The following CCNO variants were observed in gnomAD, a reference collection of about 807,000 sequenced individuals.
The protein encoded by CCNO is cyclin-O.
A neutral mutation model predicts 23.9 loss-of-function variants in CCNO; 24 were observed. That is an observed-to-expected ratio of 1.00 (90% CI 0.73 to 1.41). The LOEUF is 1.41. CCNO is among the 40% of genes most tolerant of loss of function. CCNO has a pLI of 0.00. For missense variants in CCNO, 542 were observed against 476.2 expected, an observed-to-expected ratio of 1.14 and a Z score of -1.29; for synonymous variants, 241 against 225.7, an observed-to-expected ratio of 1.07 and a Z score of -0.61.
rs769473556 is a variant in CCNO, at chr5:55,231,423, C to T, written c.1005G>A (p.Leu335=). ...AINSTSLTHM[L]PVQICEKCSL... is the part of the protein sequence containing the mutation. Reference sequence around the variant, plus strand: ...TGCACTTCTCGCAGATCTGAACGGGCAGCATGTGAGTCAAGGAAGTACTGT... The same window carrying T: ...TGCACTTCTCGCAGATCTGAACGGGTAGCATGTGAGTCAAGGAAGTACTGT... The change falls in exon 3 of 3, where the codon CTG becomes CTA. Residue 335 remains leucine (L), a synonymous_variant. Coordinates refer to ENST00000282572, the MANE Select transcript of CCNO (RefSeq NM_021147.5). The T allele has an allele frequency of 3.7e-6, 6 of 1,614,208 alleles. No homozygotes were observed. Among genetic ancestry groups the T allele is most frequent in the Non-Finnish European group, 5.1e-6 (6 of 1,180,036 alleles).
intron 2 of CCNO, among the ~76,000 whole-genome samples, 185 bp from the exon 3 acceptor site, chr5:55,232,045 A>C (rs1266866663): frequency 2.0e-5 from 3 of 149,434 alleles, no homozygotes; most frequent in Non-Finnish European, 4.5e-5. Context: ...TGTCCAACTA[A>C]AAAAAAAAAG....
Position 55,231,471 on chromosome 5 carries a change from C to G in CCNO, c.957G>C (p.Lys319Asn). The change falls in exon 3 of 3, where the codon AAG becomes AAC. Residue 319 changes from lysine to asparagine, a missense_variant. Coordinates refer to ENST00000282572, the MANE Select transcript of CCNO (RefSeq NM_021147.5). ...TGTTTATGGCCACCAGCAGCTGCAA[C>G]TTGCCCATACAGTCCTCCAGCGCCG... ...PEAALEDCMG[K>N]LQLLVAINST... is the part of the protein sequence containing the mutation. 6.2e-7 allele frequency: 1 copy of G among 1,614,148 alleles called. No homozygotes were observed. Among genetic ancestry groups the G allele is most frequent in the Non-Finnish European group, 8.5e-7 (1 of 1,180,046 alleles).
intron 1 of CCNO, 40 bp downstream of exon 1, chr5:55,233,103 G>C: frequency 6.6e-7 from 1 of 1,524,700 alleles, no homozygotes; most frequent in Non-Finnish European, 8.8e-7. Flanking sequence ...GGGAGGAGAG[G>C]AAGAGCGGCG....
rs1231904158 is a variant in CCNO, at chr5:55,231,494, C to T, written c.934G>A (p.Ala312Thr). The T allele has an allele frequency of 1.2e-6, 2 of 1,613,946 alleles. No homozygotes were observed. The highest frequency in any genetic ancestry group is 1.7e-5 in the Admixed American group (1 of 60,034). The change falls in exon 3 of 3, where the codon GCG (alanine) becomes ACG (threonine). Residue 312 changes from alanine (A) to threonine (T), a missense_variant. Ala to Thr is a moderately conservative substitution (Grantham distance 58, BLOSUM62 0). Coordinates refer to ENST00000282572, the MANE Select transcript of CCNO (RefSeq NM_021147.5). ...DLRLGDHPEA[A>T]LEDCMGKLQL... ...AACTTGCCCATACAGTCCTCCAGCG[C>T]CGCCTCCGGGTGGTCTCCCAGTCGC...
chr5:55,232,746 A>C (rs999158838), intron 1 of CCNO, 200 bp from the exon 2 acceptor site: 1 of 614,182 alleles, frequency 1.6e-6, no homozygotes, highest in Non-Finnish European at 2.9e-6. Context: ...GGCGCTGTGC[A>C]GAGAGCGTCG....
In CCNO at chr5:55,231,506, G is replaced by A; in HGVS notation, c.922C>T (p.His308Tyr). 1 of 1,613,822 alleles carries A rather than the reference G, an allele frequency of 6.2e-7. No individual in the cohort carries two copies. Residue 308 changes from histidine to tyrosine, a missense_variant, in exon 3 of 3, where the codon CAC becomes TAC. Coordinates refer to ENST00000282572, the MANE Select transcript of CCNO (RefSeq NM_021147.5). ...CAGTCCTCCAGCGCCGCCTCCGGGT[G>A]GTCTCCCAGTCGCAAGTCCACGGGC... is the stretch of plus-strand genomic sequence containing the variant. ...SRPVDLRLGD[H>Y]PEAALEDCMG... is the part of the protein sequence containing the mutation.
intron 1 of CCNO, chr5:55,232,805 G>C: frequency 1.7e-6 from 1 of 590,750 alleles, no homozygotes; most frequent in Non-Finnish European, 3.0e-6. Context: ...GAAGGGGAGG[G>C]GTTCCATTTT....
rs1342315516 is a variant in CCNO, at chr5:55,231,362, C to A, written c.*13G>T. 5 of 1,612,160 alleles carry A rather than the reference C, an allele frequency of 3.1e-6. No individual in the cohort carries two copies. The highest frequency in any genetic ancestry group is 4.2e-6 in the Non-Finnish European group (5 of 1,178,508). On this transcript the variant is annotated 3_prime_UTR_variant, in exon 3 of 3. Coordinates refer to ENST00000282572, the MANE Select transcript of CCNO (RefSeq NM_021147.5). The stretch of plus-strand genomic sequence containing the variant: ...AGCCGGGCCAGGGACTAAAAGGAAA[C>A]GAAGGATCTGTTTTATTTCGAGCTC...
At position 55,231,794 on chromosome 5, in the gene CCNO, G is replaced by C; in HGVS notation, c.634C>G (p.Gln212Glu). 6.4e-7 allele frequency: 1 copy of C among 1,558,530 alleles called. No homozygotes were observed. Among genetic ancestry groups the C allele is most frequent in the Non-Finnish European group, 8.7e-7 (1 of 1,151,944 alleles). Residue 212 changes from glutamine to glutamate, a missense_variant, in exon 3 of 3, where the codon CAG becomes GAG. By Grantham distance (29) the Gln-to-Glu change is conservative (BLOSUM62 2). Coordinates refer to ENST00000282572, the MANE Select transcript of CCNO (RefSeq NM_021147.5). Reference protein sequence around the residue: ...ALCCGAFSRQQLCNLECIVLH... With the variant: ...ALCCGAFSRQELCNLECIVLH... ...ACGATGCACTCGAGGTTGCAGAGCT[G>C]CTGCCGGGAGAAGGCGCCGCAGCAG...
At position 55,233,249 on chromosome 5, in the gene CCNO, T is replaced by C; in HGVS notation, c.275A>G (p.Gln92Arg). The change falls in exon 1 of 3, where the codon CAG becomes CGG. Residue 92 changes from glutamine to arginine, a missense_variant. Coordinates refer to ENST00000282572, the MANE Select transcript of CCNO (RefSeq NM_021147.5). ...GTCGCGGAAGGTCTGTAGATCTAGC[T>C]GCGCCACGGGCTGGGCCGGGCCGGG... ...PLPGPAQPVA[Q>R]LDLQTFRDYG... is the part of the protein sequence containing the mutation. 1 of 1,585,764 alleles carries C rather than the reference T, an allele frequency of 6.3e-7. No individual in the cohort carries two copies. The highest frequency in any genetic ancestry group is 8.6e-7 in the Non-Finnish European group (1 of 1,168,396).
rs1046074384 is a variant in CCNO, at chr5:55,233,401, C to T, written c.123G>A (p.Gln41=). Residue 41 remains glutamine, a synonymous_variant, in exon 1 of 3, where the codon CAG becomes CAA. Coordinates refer to ENST00000282572, the MANE Select transcript of CCNO (RefSeq NM_021147.5). ...GGCACGGGTTCAGGGGATGCAGCGG[C>T]TGCTTCCTCCGGAGGCGCGGACGCC... The part of the protein sequence containing the change: ...KSRRPRLRRK[Q]PLHPLNPCPL... The T allele has an allele frequency of 2.9e-5, 46 of 1,610,068 alleles. No individual in the cohort carries two copies. The highest frequency in any genetic ancestry group is 3.8e-5 in the Non-Finnish European group (45 of 1,178,912).
Position 55,232,560 on chromosome 5 carries a change from G to C in CCNO, c.382-14C>G, listed in dbSNP as rs72749883. 128,892 of 1,612,396 alleles carry C rather than the reference G, an allele frequency of 0.08. 5,723 individuals are homozygous for C. The highest frequency in any genetic ancestry group is 0.096 in the Middle Eastern group (574 of 5,972). ...TTCCGCCGTCACCTGCCGGGAAGGA[G>C]GGGGGAGGCGGGCCCGCTGGGCTTA... On this transcript the variant is annotated splice_polypyrimidine_tract_variant and intron_variant, in intron 1 of 2. Coordinates refer to ENST00000282572, the MANE Select transcript of CCNO (RefSeq NM_021147.5).
Position 55,231,466 on chromosome 5 carries a change from T to G in CCNO, c.962A>C (p.Gln321Pro). 1 of 1,614,144 alleles carries G rather than the reference T, an allele frequency of 6.2e-7. No homozygotes were observed. Among genetic ancestry groups the G allele is most frequent in the Non-Finnish European group, 8.5e-7 (1 of 1,180,038 alleles). Residue 321 changes from glutamine to proline, a missense_variant, in exon 3 of 3, where the codon CAG becomes CCG. Gln to Pro is a moderately conservative substitution (Grantham distance 76). Transcript: ENST00000282572. ...AGTACTGTTTATGGCCACCAGCAGC[T>G]GCAACTTGCCCATACAGTCCTCCAG... ...AALEDCMGKL[Q>P]LLVAINSTSL...
At position 55,231,183 on chromosome 5, in the gene CCNO, A is replaced by G; in HGVS notation, c.*192T>C. ...CAAACCACAACTGTTTATTGGTGAA[A>G]GACTCAGCTTCCTCATGTGCTCGCT... On this transcript the variant is annotated 3_prime_UTR_variant, in exon 3 of 3. Coordinates refer to ENST00000282572, the MANE Select transcript of CCNO (RefSeq NM_021147.5). 1 of 629,300 alleles carries G rather than the reference A, an allele frequency of 1.6e-6. No individual in the cohort carries two copies. 39.0% of individuals were successfully genotyped at this position (629,300 alleles called of 1,614,324 possible).
chr5:55,233,143 T>C lies in CCNO; in HGVS notation c.381A>G (p.Gln127=). The change falls in exon 1 of 3, where the codon CAA becomes CAG. Residue 127 remains glutamine (Q), a splice_region_variant and synonymous_variant. Transcript: ENST00000282572. The part of the protein sequence containing the change: ...HPREALARQP[Q]VTAESRCKLL... ...GGAGCTGGCTCTACCAGCACCTCAC[T>C]TGTGGCTGCCGTGCCAGCGCCTCCC... is the stretch of plus-strand genomic sequence containing the variant. 3.2e-6 allele frequency: 5 copies of C among 1,541,526 alleles called. No individual in the cohort carries two copies. Among genetic ancestry groups the C allele is most frequent in the Non-Finnish European group, 4.4e-6 (5 of 1,146,228 alleles).
rs1488296898 is a variant in CCNO at position 55,231,584 on chromosome 5, G to C, written c.844C>G (p.Leu282Val). 1 of 1,613,438 alleles carries C rather than the reference G, an allele frequency of 6.2e-7. No homozygotes were observed. The highest frequency in any genetic ancestry group is 8.5e-7 in the Non-Finnish European group (1 of 1,179,916). ...AGCGCCAGGCAGCAGATCGCCAGGA[G>C]GGAAGGGGAGTAGCTGGTGAAGGCA... ...DYAFTSYSPS[L>V]LAICCLALAD... The change falls in exon 3 of 3, where the codon CTC (leucine) becomes GTC (valine). Residue 282 changes from leucine to valine, a missense_variant. Coordinates refer to ENST00000282572, the MANE Select transcript of CCNO (RefSeq NM_021147.5).
In CCNO at chr5:55,233,464, G is replaced by C; in HGVS notation, c.60C>G (p.Asp20Glu). 1.2e-6 allele frequency: 2 copies of C among 1,602,038 alleles called. No homozygotes were observed. Among genetic ancestry groups the C allele is most frequent in the Non-Finnish European group, 1.7e-6 (2 of 1,174,834 alleles). Residue 20 changes from aspartate to glutamate, a missense_variant, in exon 1 of 3, where the codon GAC (aspartate) becomes GAG (glutamate). Physicochemically the swap from Asp to Glu is conservative, Grantham distance 45 (BLOSUM62 2). Transcript: ENST00000282572. ...SSPAARAGRRDNDQNLRAPVK... is the reference protein window; with the variant it reads ...SSPAARAGRRENDQNLRAPVK... Reference sequence around the variant, plus strand: ...CCGGGGCGCGAAGGTTCTGGTCGTTGTCCCGCCTCCCCGCTCGGGCGGCGG... The same window carrying C: ...CCGGGGCGCGAAGGTTCTGGTCGTTCTCCCGCCTCCCCGCTCGGGCGGCGG...
rs1482807993 is a variant in CCNO, at chr5:55,233,161, C to T, written c.363G>A (p.Ala121=). ...AQESHFHPRE[A]LARQPQVTAE... Reference sequence around the variant, plus strand: ...ACCTCACTTGTGGCTGCCGTGCCAGCGCCTCCCGCGGGTGGAAGTGGCTCT... The same window carrying T: ...ACCTCACTTGTGGCTGCCGTGCCAGTGCCTCCCGCGGGTGGAAGTGGCTCT... Residue 121 remains alanine, a synonymous_variant, in exon 1 of 3, where the codon GCG becomes GCA. Coordinates refer to ENST00000282572, the MANE Select transcript of CCNO (RefSeq NM_021147.5). 4.5e-6 allele frequency: 7 copies of T among 1,544,668 alleles called. No homozygotes were observed. Among genetic ancestry groups the T allele is most frequent in the East Asian group, 2.4e-5 (1 of 40,996 alleles).
intron 1 of CCNO, 80 bp downstream of exon 1, chr5:55,233,063 G>C: frequency 6.9e-7 from 1 of 1,441,096 alleles, no homozygotes. Flanking sequence ...GGCGCTCGGA[G>C]GGCCGAGCCG....
Sources: gnomAD v4.1 joint callset for allele counts (sites outside exome capture counted in the v4.1 genomes callset) on GRCh38, gnomAD v4.1.1 for gene constraint, MANE v1.5 for transcripts, NCBI Gene and HGNC (gene_info 2026-07-23, HGNC 2026-07-21) for gene names.